CHL1: variants seen among roughly 807,000 people sequenced by gnomAD.
The protein encoded by CHL1 is cell adhesion molecule L1 like, also known as neural cell adhesion molecule L1-like protein.
A neutral mutation model predicts 141.9 loss-of-function variants in CHL1; 96 were observed. The ratio of observed to expected loss-of-function variants is 0.68; its 90% CI spans 0.57 to 0.80. The LOEUF is 0.80. Ranked by LOEUF, CHL1 falls within the 30% of genes least tolerant of loss-of-function variation. The pLI is 0.00. For synonymous variants in CHL1, 613 were observed against 502.2 expected, an observed-to-expected ratio of 1.22 and a Z score of -2.95; for missense variants, 1,820 against 1,457.2, an observed-to-expected ratio of 1.25 and a Z score of -4.05.
At chr3:308,253 G>T (rs943052251) in intron 2 of CHL1, among the ~76,000 whole-genome samples, 1 of 152,094 alleles carries the variant, frequency 6.6e-6, no homozygotes, top group Non-Finnish European at 1.5e-5. Flanking sequence ...AAATTCATTC[G>T]TTCATCCAGA....
intron 27 of CHL1, among the ~76,000 whole-genome samples, chr3:404,189 T>C (rs6774013): frequency 0.98 from 148,790 of 152,288 alleles, 72,775 homozygotes; most frequent in East Asian, 1. Context: ...TTTAAATCTT[T>C]GGCTCGGAAG....
intron 2 of CHL1, among the ~76,000 whole-genome samples, chr3:288,585 G>A (rs927470121): frequency 5.3e-5 from 8 of 152,104 alleles, no homozygotes; most frequent in Middle Eastern, 3.2e-3. Flanking sequence ...TTTCACACAC[G>A]TTGTTTGTCA....
At chr3:390,462 T>C (rs1708128640) in intron 20 of CHL1, among the ~76,000 whole-genome samples, 1 of 152,232 alleles carries the variant, frequency 6.6e-6, no homozygotes, top group Non-Finnish European at 1.5e-5. Flanking sequence ...GTTTTATTTA[T>C]CCACATTGTA....
At chr3:312,883 G>C (rs1699866705) in intron 2 of CHL1, among the ~76,000 whole-genome samples, 3 of 152,192 alleles carry the variant, frequency 2.0e-5, no homozygotes, top group African/African-American at 7.2e-5. Context: ...TTGGATGCCA[G>C]TGTCATAAAA....
At chr3:198,757 A>G (rs921426540) in intron 1 of CHL1, among the ~76,000 whole-genome samples, 10 of 152,194 alleles carry the variant, frequency 6.6e-5, no homozygotes, top group Non-Finnish European at 8.8e-5. Flanking sequence ...ATTTCTCTGC[A>G]TTTTCATTGA....
At position 391,206 on chromosome 3, in the gene CHL1, A is replaced by G. The variant is rs745637746; in HGVS notation, c.2791+47A>G. On this transcript the variant is annotated intron_variant, in intron 22 of 27. Transcript: ENST00000256509. ...GTCATGTCAAAAATGGAGGTGATCC[A>G]TGGCCATATTAAACATTCTTCCTTA... is the stretch of plus-strand genomic sequence containing the variant. 1.6e-5 allele frequency: 23 copies of G among 1,425,566 alleles called. No homozygotes were observed. The African/African-American group carries it at 2.8e-4, about 18-fold the overall frequency. 88.3% of individuals were successfully genotyped at this position (1,425,566 alleles called of 1,614,324 possible).
intron 10 of CHL1, among the ~76,000 whole-genome samples, chr3:351,695 G>A (rs542764595): frequency 3.3e-4 from 50 of 152,110 alleles, no homozygotes; most frequent in Non-Finnish European, 6.2e-4. Context: ...TCATGGATTC[G>A]ATTGGATTCT....
intron 2 of CHL1, among the ~76,000 whole-genome samples, chr3:251,172 T>C (rs1410169135): frequency 1.3e-5 from 2 of 152,094 alleles, no homozygotes; most frequent in Non-Finnish European, 2.9e-5. Flanking sequence ...AAAGTAAGAC[T>C]AGAAGGATCC....
chr3:319,851 T>C lies in CHL1; in HGVS notation c.75T>C (p.Ile25=), dbSNP rs770976797. 40 of 1,584,468 alleles carry C rather than the reference T, an allele frequency of 2.5e-5. No individual in the cohort carries two copies. The highest frequency in any genetic ancestry group is 3.1e-5 in the Non-Finnish European group (36 of 1,155,798). Residue 25 remains isoleucine (I), a synonymous_variant, in exon 3 of 28, where the codon ATT becomes ATC. Coordinates refer to ENST00000256509, the MANE Select transcript of CHL1 (RefSeq NM_006614.4). ...MFLLLKFSKA[I]EIPSSVQQVP... ...TCCTGTTAAAATTCTCAAAAGCAAT[T>C]GAAATACCATCTTCAGGTAAAGTTA...
chr3:303,437 G>T (rs1698941640), intron 2 of CHL1, among the ~76,000 whole-genome samples: 1 of 152,064 alleles, frequency 6.6e-6, no homozygotes, highest in Non-Finnish European at 1.5e-5. Context: ...TGTAGTTCTT[G>T]AAGAGGCCCT....
At position 232,310 on chromosome 3, in the gene CHL1, T is replaced by G. The variant is rs181412558; in HGVS notation, c.-174-12303T>G. Among the ~76,000 whole-genome samples the G allele has an allele frequency of 1.0e-3, 154 of 152,320 alleles. 2 individuals are homozygous for G. The South Asian group carries it at 0.028, about 28-fold the overall frequency. On this transcript the variant is annotated intron_variant, in intron 1 of 27. Coordinates refer to ENST00000256509, the MANE Select transcript of CHL1 (RefSeq NM_006614.4). Reference sequence around the variant, plus strand: ...CCCTGGAGCTCTTTGTACTAAGTTATTTTTATTTCATTTTCATTAACAATA... The same window carrying G: ...CCCTGGAGCTCTTTGTACTAAGTTAGTTTTATTTCATTTTCATTAACAATA...
intron 1 of CHL1, among the ~76,000 whole-genome samples, chr3:238,890 G>T (rs543068934): frequency 2.0e-5 from 3 of 151,992 alleles, no homozygotes; most frequent in Non-Finnish European, 1.5e-5. Context: ...CCAAAATCGC[G>T]CCATTGCACT....
chr3:238,963 CT>C (rs10676333), intron 1 of CHL1, among the ~76,000 whole-genome samples: 7 of 148,896 alleles, frequency 4.7e-5, no homozygotes, highest in Non-Finnish European at 8.9e-5. Flanking sequence ...AACAAAAAAT[CT>C]TTTTTTTTTG....
chr3:235,603 T>C (rs1691889549), intron 1 of CHL1, among the ~76,000 whole-genome samples: 1 of 152,188 alleles, frequency 6.6e-6, no homozygotes, highest in Non-Finnish European at 1.5e-5. Context: ...TTTTGGACTA[T>C]ATAGGAAAAC....
chr3:276,745 T>C (rs988915169), intron 2 of CHL1, among the ~76,000 whole-genome samples: 3 of 151,680 alleles, frequency 2.0e-5, no homozygotes, highest in East Asian at 1.9e-4. Context: ...AAAAATTAGC[T>C]GGGCATGCTG....
chr3:199,166 G>A (rs1248443223), intron 1 of CHL1, among the ~76,000 whole-genome samples: 1 of 152,202 alleles, frequency 6.6e-6, no homozygotes, highest in East Asian at 1.9e-4. Context: ...AAGTGCTGCA[G>A]TGGATTTACC....
intron 15 of CHL1, among the ~76,000 whole-genome samples, chr3:375,429 T>A (rs1200546338): frequency 6.6e-6 from 1 of 151,660 alleles, no homozygotes; most frequent in Non-Finnish European, 1.5e-5. Context: ...GGAGCTGCTT[T>A]TTTCCCCCTC....
At chr3:354,545 C>T (rs1489461102) in intron 10 of CHL1, 95 bp from the exon 11 acceptor site, 5 of 1,379,688 alleles carry the variant, frequency 3.6e-6, no homozygotes, top group Non-Finnish European at 3.9e-6. Context: ...GTGGTGTCTG[C>T]CCTCTGCTGG....
chr3:240,168 G>A (rs945317909), intron 1 of CHL1, among the ~76,000 whole-genome samples: 5 of 152,142 alleles, frequency 3.3e-5, no homozygotes, highest in Admixed American at 1.3e-4. Context: ...AGGAATCTCC[G>A]TACTGTTTTC....
Sources: gnomAD v4.1 joint callset for allele counts (sites outside exome capture counted in the v4.1 genomes callset) on GRCh38, gnomAD v4.1.1 for gene constraint, MANE v1.5 for transcripts, NCBI Gene and HGNC (gene_info 2026-07-23, HGNC 2026-07-21) for gene names.